The following FIP1L1 variants were observed in gnomAD, a reference collection of about 807,000 sequenced individuals.
The protein encoded by FIP1L1 is factor interacting with PAPOLA and CPSF1.
Under a neutral mutation model 84.6 loss-of-function variants are expected in FIP1L1, and 21 were observed. The ratio of observed to expected loss-of-function variants is 0.25; its 90% CI spans 0.18 to 0.36. FIP1L1 has a LOEUF of 0.36. Among genes scored for constraint, FIP1L1 ranks in the 10% least tolerant of loss-of-function variants. The probability of loss-of-function intolerance (pLI) is 1.00; values close to 1 mark genes in which losing one functional copy is unlikely to be tolerated. For missense variants in FIP1L1, 526 were observed against 751.1 expected, an observed-to-expected ratio of 0.70 and a Z score of 3.50; for synonymous variants, 263 against 242.3, an observed-to-expected ratio of 1.09 and a Z score of -0.80.
At chr4:53,407,353 G>C (rs2149616322) in intron 10 of FIP1L1, among the ~76,000 whole-genome samples, 1 of 152,300 alleles carries the variant, frequency 6.6e-6, no homozygotes, top group Non-Finnish European at 1.5e-5. Context: ...GTTCTAGTTT[G>C]ATTGCACTGT....
intron 15 of FIP1L1, 93 bp downstream of exon 15, chr4:53,444,196 A>G (rs771283050): frequency 2.4e-6 from 2 of 839,158 alleles, no homozygotes; most frequent in Non-Finnish European, 4.0e-6. Context: ...ATGGTTTAAC[A>G]TCTTACAGAG....
chr4:53,380,667 C>G (rs957553275), intron 3 of FIP1L1, among the ~76,000 whole-genome samples: 2 of 152,102 alleles, frequency 1.3e-5, no homozygotes, highest in African/African-American at 4.8e-5. Context: ...CAAAAAATCC[C>G]CTATAGTCTT....
chr4:53,447,960 G>A lies in FIP1L1; in HGVS notation c.1285+3857G>A, dbSNP rs1312723726. 3.9e-5 allele frequency among the ~76,000 whole-genome samples: 6 copies of A among 152,082 alleles called. No homozygotes were observed. The South Asian group carries it at 1.2e-3, about 32-fold the overall frequency. ...TGGCTCTCAGAAAACTCTGGATTTT[G>A]CAGTATTTTGGATTTTCAGATTAGG... On this transcript the variant is annotated intron_variant, in intron 15 of 17. Coordinates refer to ENST00000337488, the MANE Select transcript of FIP1L1 (RefSeq NM_030917.4).
intron 11 of FIP1L1, among the ~76,000 whole-genome samples, chr4:53,420,212 A>AAAACAAAAC (rs1761709388): frequency 7.0e-6 from 1 of 142,964 alleles, no homozygotes; most frequent in African/African-American, 2.8e-5. Context: ...AAAAAAAAAA[A>AAAACAAAAC]AAAAAAAAAA....
At chr4:53,430,341 CTTTTTTTTTT>C (rs376793476) in intron 13 of FIP1L1, among the ~76,000 whole-genome samples, 6 of 75,806 alleles carry the variant, frequency 7.9e-5, no homozygotes, top group African/African-American at 2.8e-4. Flanking sequence ...GATAAAATTA[CTTTTTTTTTT>C]TTTTTTTTTT....
At chr4:53,384,490 T>C (rs1208781615) in intron 5 of FIP1L1, among the ~76,000 whole-genome samples, 2 of 152,350 alleles carry the variant, frequency 1.3e-5, no homozygotes, top group Admixed American at 6.5e-5. Flanking sequence ...TCTGTACTTA[T>C]TATTATTTCA....
intron 5 of FIP1L1, among the ~76,000 whole-genome samples, chr4:53,385,087 A>G (rs1039254170): frequency 1.8e-4 from 28 of 152,242 alleles, no homozygotes; most frequent in African/African-American, 6.7e-4. Context: ...TTTTCATGTT[A>G]GGGGTGGATA....
intron 16 of FIP1L1, among the ~76,000 whole-genome samples, chr4:53,454,484 C>T (rs1192999147): frequency 1.3e-5 from 2 of 152,320 alleles, no homozygotes; most frequent in East Asian, 1.9e-4. Context: ...GGAATTGCAT[C>T]CTTTAATGAG....
At chr4:53,404,290 T>C (rs1435889827) in intron 10 of FIP1L1, among the ~76,000 whole-genome samples, 1 of 151,226 alleles carries the variant, frequency 6.6e-6, no homozygotes, top group Non-Finnish European at 1.5e-5. Context: ...GATAGTTTAC[T>C]GAGAATGATG....
chr4:53,406,883 A>G (rs567603990), intron 10 of FIP1L1, among the ~76,000 whole-genome samples: 4 of 151,900 alleles, frequency 2.6e-5, no homozygotes, highest in Non-Finnish European at 2.9e-5. Flanking sequence ...TATTGTGTGT[A>G]TTTGATTCTT....
intron 16 of FIP1L1, among the ~76,000 whole-genome samples, chr4:53,453,866 A>G (rs571399400): frequency 3.3e-5 from 5 of 152,360 alleles, no homozygotes; most frequent in African/African-American, 1.2e-4. Context: ...TGATTTTCCA[A>G]AATTATCCAT....
chr4:53,390,585 G>GGTA lies in FIP1L1; in HGVS notation c.464_466dup (p.Val155dup). ...GCATTAATGGAGTTCCACTCTTAGA[G>GGTA]GTAGATTTGGATTCTTTTGAAGATA... On this transcript the variant is annotated inframe_insertion, in exon 7 of 18. Coordinates refer to ENST00000337488, the MANE Select transcript of FIP1L1 (RefSeq NM_030917.4). 2 of 1,612,778 alleles carry GGTA rather than the reference G, an allele frequency of 1.2e-6. No homozygotes were observed. The highest frequency in any genetic ancestry group is 1.7e-6 in the Non-Finnish European group (2 of 1,179,056).
chr4:53,447,799 G>A (rs4864462), intron 15 of FIP1L1, among the ~76,000 whole-genome samples: 148,801 of 152,178 alleles, frequency 0.98, 72,840 homozygotes, highest in Middle Eastern at 1. Flanking sequence ...TTTCATGTAC[G>A]GCTTATATCT....
At chr4:53,401,721 A>G (rs1005440386) in intron 10 of FIP1L1, among the ~76,000 whole-genome samples, 4 of 152,236 alleles carry the variant, frequency 2.6e-5, no homozygotes, top group Non-Finnish European at 5.9e-5. Context: ...GGAAAAGACC[A>G]TAAGGAGGAG....
At chr4:53,457,722 ATTC>A (rs943526962) in intron 16 of FIP1L1, among the ~76,000 whole-genome samples, 2 of 152,168 alleles carry the variant, frequency 1.3e-5, no homozygotes, top group African/African-American at 4.8e-5. Flanking sequence ...AGATTATTTT[ATTC>A]TAAGTGAATT....
chr4:53,380,433 A>G (rs1230298874), intron 3 of FIP1L1, among the ~76,000 whole-genome samples: 1 of 152,224 alleles, frequency 6.6e-6, no homozygotes, highest in Non-Finnish European at 1.5e-5. Flanking sequence ...ATGTATACAA[A>G]GTTCCTTTTG....
In FIP1L1 at chr4:53,384,996, C is replaced by A. The variant is rs1401863681; in HGVS notation, c.332+1120C>A. On this transcript the variant is annotated intron_variant, in intron 5 of 17. Transcript: ENST00000337488. ...AAGCCAATTCAGTTATTGTCATAGT[C>A]AGTTTTGTATTATAATAATGACTAC... 2.0e-5 allele frequency among the ~76,000 whole-genome samples: 3 copies of A among 152,210 alleles called. No homozygotes were observed. In the East Asian group the frequency reaches 5.8e-4, roughly 29 times the overall value.
intron 17 of FIP1L1, 142 bp downstream of exon 17, chr4:53,458,932 A>T (rs979809645): frequency 3.3e-6 from 3 of 920,422 alleles, no homozygotes; most frequent in Non-Finnish European, 4.8e-6. Flanking sequence ...GCCTTGTCTC[A>T]AATTTTTTTA....
intron 10 of FIP1L1, among the ~76,000 whole-genome samples, chr4:53,403,478 C>A (rs564604105): frequency 2.0e-5 from 3 of 152,306 alleles, no homozygotes; most frequent in African/African-American, 7.2e-5. Context: ...CCATTACAAT[C>A]ACATTTTTTG....
Sources: allele counts gnomAD v4.1 joint callset (sites outside exome capture counted in the v4.1 genomes callset), GRCh38; gene constraint gnomAD v4.1.1; transcripts MANE v1.5; gene names NCBI Gene and HGNC (gene_info 2026-07-23, HGNC 2026-07-21).